The following EPC2 variants were observed in gnomAD, a reference collection of about 807,000 sequenced individuals.
EPC2 encodes enhancer of polycomb 2.
A neutral mutation model predicts 92.1 loss-of-function variants in EPC2; 14 were observed. The observed-to-expected ratio is 0.15, with a 90% confidence interval of 0.10 to 0.24. EPC2 has a LOEUF of 0.24. EPC2 is among the 10% of genes least tolerant of loss of function. The pLI is 1.00. For synonymous variants in EPC2, 340 were observed against 334.7 expected (o/e 1.02, Z -0.17); for missense variants, 755 against 971.5 (o/e 0.78, Z 2.96).
chr2:148,779,909 T>C (rs943580045), intron 10 of EPC2, among the ~76,000 whole-genome samples: 9 of 152,174 alleles, frequency 5.9e-5, no homozygotes, highest in African/African-American at 1.7e-4. Context: ...CTTAAACAGA[T>C]TTATTTGGGT....
intron 2 of EPC2, among the ~76,000 whole-genome samples, chr2:148,733,252 G>T (rs1682681720): frequency 6.6e-6 from 1 of 151,614 alleles, no homozygotes; most frequent in Non-Finnish European, 1.5e-5. Context: ...CTTGAAAATT[G>T]TACTTCCTTA....
At chr2:148,663,482 T>C (rs1409731094) in intron 1 of EPC2, among the ~76,000 whole-genome samples, 2 of 151,426 alleles carry the variant, frequency 1.3e-5, no homozygotes, top group Non-Finnish European at 2.9e-5. Flanking sequence ...CCTCCCAAAG[T>C]GCTGGGATTA....
chr2:148,786,244 TG>T, intron 13 of EPC2, 60 bp from the exon 14 acceptor site: 1 of 1,297,176 alleles, frequency 7.7e-7, no homozygotes. Flanking sequence ...AAATACTAAA[TG>T]GTAACGTCAT....
chr2:148,649,551 A>G (rs1192864464), intron 1 of EPC2, among the ~76,000 whole-genome samples: 12 of 152,192 alleles, frequency 7.9e-5, no homozygotes, highest in Admixed American at 7.9e-4. Context: ...TGAATTTGGT[A>G]TGCTATCTTT....
intron 1 of EPC2, among the ~76,000 whole-genome samples, chr2:148,672,530 T>C (rs538866979): frequency 1.3e-5 from 2 of 152,182 alleles, no homozygotes; most frequent in Non-Finnish European, 2.9e-5. Context: ...TCATGGGGAT[T>C]ACATAAAACA....
chr2:148,781,857 C>G (rs1368808763), intron 11 of EPC2, 77 bp downstream of exon 11: 1 of 1,547,014 alleles, frequency 6.5e-7, no homozygotes, highest in African/African-American at 1.4e-5. Flanking sequence ...AGTCAAGTCA[C>G]AGAAGATAAT....
chr2:148,701,678 C>T (rs150356792), intron 2 of EPC2, among the ~76,000 whole-genome samples: 47 of 152,110 alleles, frequency 3.1e-4, no homozygotes, highest in Middle Eastern at 6.8e-3. Flanking sequence ...GAGAGCTATT[C>T]GTCTGTCATT....
At chr2:148,730,711 G>A (rs940696429) in intron 2 of EPC2, among the ~76,000 whole-genome samples, 2 of 152,174 alleles carry the variant, frequency 1.3e-5, no homozygotes, top group African/African-American at 4.8e-5. Context: ...CCTTAGGGTT[G>A]AGAAGTATAC....
chr2:148,668,493 G>C (rs958099861), intron 1 of EPC2, among the ~76,000 whole-genome samples: 2 of 152,016 alleles, frequency 1.3e-5, no homozygotes, highest in African/African-American at 4.8e-5. Flanking sequence ...TCAGTATTTT[G>C]GAAAAAATTG....
At chr2:148,692,029 A>G (rs956470587) in intron 2 of EPC2, 3 of 331,068 alleles carry the variant, frequency 9.1e-6, no homozygotes, top group African/African-American at 2.2e-5. Context: ...TATGAATATT[A>G]GGTTCTTTGT....
chr2:148,675,212 T>C (rs554242030), intron 1 of EPC2, among the ~76,000 whole-genome samples: 19 of 152,284 alleles, frequency 1.2e-4, no homozygotes, highest in Admixed American at 2.6e-4. Flanking sequence ...GATTTTTTTT[T>C]CCCTTTTCTT....
At chr2:148,780,654 C>G (rs1295572951) in intron 10 of EPC2, among the ~76,000 whole-genome samples, 1 of 152,064 alleles carries the variant, frequency 6.6e-6, no homozygotes, top group Admixed American at 6.5e-5. Flanking sequence ...TTCACTGTGA[C>G]TCTTAGTGCA....
chr2:148,726,634 G>T (rs1386155794), intron 2 of EPC2, among the ~76,000 whole-genome samples: 1 of 151,226 alleles, frequency 6.6e-6, no homozygotes, highest in South Asian at 2.1e-4. Flanking sequence ...AATACTTAAA[G>T]AATTTTTTTT....
rs1482675545 is a variant in EPC2 at position 148,765,000 on chromosome 2, C to T, written c.994C>T (p.Arg332Cys). The T allele has an allele frequency of 1.9e-6, 3 of 1,601,198 alleles. No individual in the cohort carries two copies. Among genetic ancestry groups the T allele is most frequent in the Non-Finnish European group, 2.6e-6 (3 of 1,173,510 alleles). ...SLKEEASDVV[R>C]QKKKYPKKPK... ...GAAAGAAGAGGCTTCTGATGTGGTT[C>T]GTCAAAAGAAGAAGTACCCAAAGAA... Residue 332 changes from arginine (R) to cysteine (C), a missense_variant, in exon 7 of 14, where the codon CGT becomes TGT. Physicochemically the swap from Arg to Cys is radical, Grantham distance 180. Around this residue, in one of 4 missense-constraint regions of EPC2, gnomAD observed 509 missense variants for 607.7 expected, o/e 0.84. Coordinates refer to ENST00000258484, the MANE Select transcript of EPC2 (RefSeq NM_015630.4).
chr2:148,742,982 T>A (rs1682907675), intron 2 of EPC2, among the ~76,000 whole-genome samples: 1 of 152,148 alleles, frequency 6.6e-6, no homozygotes. Flanking sequence ...AAGTAGAAAT[T>A]TAAAAAGTTT....
Position 148,690,092 on chromosome 2 carries a change from G to T in EPC2, c.154-122G>T, listed in dbSNP as rs1681613324. 6 of 938,144 alleles carry T rather than the reference G, an allele frequency of 6.4e-6. 1 individual carries two copies. In the South Asian group the frequency reaches 1.3e-4, roughly 21 times the overall value. 58.1% of individuals were successfully genotyped at this position (938,144 alleles called of 1,614,324 possible). A position where few individuals can be genotyped will look rare whatever the true frequency, so the allele number is the denominator to read the frequency against. ...ATGTAACTGTAGGTCTTTGGCAAAG[G>T]AACTATTTATAATTGATTCTTAAAG... On this transcript the variant is annotated intron_variant, in intron 1 of 13. Transcript: ENST00000258484.
intron 2 of EPC2, among the ~76,000 whole-genome samples, chr2:148,722,950 A>T (rs1373198052): frequency 6.6e-6 from 1 of 152,234 alleles, no homozygotes; most frequent in Non-Finnish European, 1.5e-5. Context: ...GTTCTCACTT[A>T]TAAGTGGGAC....
intron 1 of EPC2, among the ~76,000 whole-genome samples, chr2:148,660,194 AAG>A (rs1357833815): frequency 7.9e-5 from 12 of 152,262 alleles, no homozygotes; most frequent in African/African-American, 4.8e-5. Context: ...CTATGTGTGT[AAG>A]AGAGAGAAAG....
At chr2:148,670,920 A>G (rs561493773) in intron 1 of EPC2, among the ~76,000 whole-genome samples, 1 of 152,278 alleles carries the variant, frequency 6.6e-6, no homozygotes, top group South Asian at 2.1e-4. Context: ...TCCTAGGCTA[A>G]GCAGTCTTCC....
Sources: gnomAD v4.1 joint callset for allele counts (sites outside exome capture counted in the v4.1 genomes callset) on GRCh38, gnomAD v4.1.1 for gene constraint, gnomAD v4.1.1 regional missense constraint, MANE v1.5 for transcripts, NCBI Gene and HGNC (gene_info 2026-07-23, HGNC 2026-07-21) for gene names.